PLXDC2: variants seen among roughly 807,000 people sequenced by gnomAD.
The protein encoded by PLXDC2 is plexin domain containing 2, also known as plexin domain-containing protein 2.
In PLXDC2, 40 loss-of-function variants were observed where a neutral mutation model predicts 68.9. The ratio of observed to expected loss-of-function variants is 0.58; its 90% CI spans 0.45 to 0.76. PLXDC2 has a LOEUF of 0.76. Among genes scored for constraint, PLXDC2 ranks in the 30% least tolerant of loss-of-function variants. PLXDC2 has a pLI of 0.00. For synonymous variants in PLXDC2, 243 were observed against 234.2 expected (o/e 1.04, Z -0.34); for missense variants, 644 against 661.9 (o/e 0.97, Z 0.30).
intron 4 of PLXDC2, among the ~76,000 whole-genome samples, chr10:20,103,436 G>A (rs1833448290): frequency 6.6e-6 from 1 of 152,090 alleles, no homozygotes; most frequent in African/African-American, 2.4e-5. Context: ...AGACACCCGA[G>A]ACTTGTGGGT....
intron 1 of PLXDC2, among the ~76,000 whole-genome samples, chr10:19,974,744 C>A (rs759050749): frequency 3.1e-4 from 47 of 152,226 alleles, no homozygotes; most frequent in Non-Finnish European, 6.2e-4. Context: ...CCATGGAGAA[C>A]CTAGTTGGCA....
At chr10:20,067,906 C>G (rs984201908) in intron 3 of PLXDC2, among the ~76,000 whole-genome samples, 2 of 152,124 alleles carry the variant, frequency 1.3e-5, no homozygotes, top group Admixed American at 1.3e-4. Context: ...GAATAAGTTG[C>G]TCATCATCAA....
intron 3 of PLXDC2, among the ~76,000 whole-genome samples, chr10:20,060,348 T>G (rs1836078741): frequency 6.6e-6 from 1 of 152,082 alleles, no homozygotes; most frequent in African/African-American, 2.4e-5. Context: ...GCAAAGTTAT[T>G]TCAGTTTAAT....
intron 9 of PLXDC2, among the ~76,000 whole-genome samples, chr10:20,188,774 T>C (rs1053967885): frequency 6.6e-6 from 1 of 151,840 alleles, no homozygotes; most frequent in Non-Finnish European, 1.5e-5. Context: ...GTAGTGTATA[T>C]GATAAATAAA....
At chr10:20,117,847 G>T (rs1381652191) in intron 4 of PLXDC2, among the ~76,000 whole-genome samples, 1 of 152,124 alleles carries the variant, frequency 6.6e-6, no homozygotes, top group African/African-American at 2.4e-5. Flanking sequence ...AATTAACCAA[G>T]ATATTGAAAG....
At chr10:19,891,364 C>T (rs571745112) in intron 1 of PLXDC2, among the ~76,000 whole-genome samples, 2 of 151,960 alleles carry the variant, frequency 1.3e-5, no homozygotes, top group East Asian at 3.9e-4. Flanking sequence ...TGGTTTTTTA[C>T]CTTCTTTCGC....
intron 2 of PLXDC2, 61 bp from the exon 3 acceptor site, chr10:20,046,808 T>C: frequency 6.7e-7 from 1 of 1,490,440 alleles, no homozygotes; most frequent in Non-Finnish European, 9.0e-7. Context: ...TAGGATTTTT[T>C]TTAAAGAATT....
In PLXDC2 at chr10:20,284,469, G is replaced by T. The variant is rs1411216607; in HGVS notation, c.*4650G>T. 2 of 148,912 alleles carry T rather than the reference G, an allele frequency of 1.3e-5. No homozygotes were observed. The highest frequency in any genetic ancestry group is 5.0e-5 in the African/African-American group (2 of 40,324). The allele number at this position is 148,912 out of a possible 1,614,324, so 9.2% of individuals were successfully genotyped here. A position where few individuals can be genotyped will look rare whatever the true frequency, so the allele number is the denominator to read the frequency against. ...CCAAGTGTGGTTTCTCATGCCTGTA[G>T]TCCCAGCTACTTTGGAGGCTGAAGT... On this transcript the variant is annotated 3_prime_UTR_variant, in exon 14 of 14. Coordinates refer to ENST00000377252, the MANE Select transcript of PLXDC2 (RefSeq NM_032812.9).
chr10:20,142,407 A>G lies in PLXDC2; in HGVS notation c.542-888A>G, dbSNP rs144555148. On this transcript the variant is annotated intron_variant, in intron 4 of 13. Coordinates refer to ENST00000377252, the MANE Select transcript of PLXDC2 (RefSeq NM_032812.9). ...AGATTAATATTAAAATTAGTTAGCAATCCCTGAGCTGACTCTCCTTTCAGA... is the reference window on the plus strand; with the variant it reads ...AGATTAATATTAAAATTAGTTAGCAGTCCCTGAGCTGACTCTCCTTTCAGA... Among the ~76,000 whole-genome samples the G allele has an allele frequency of 8.3e-3, 1,260 of 152,170 alleles. 19 individuals are homozygous for G. The highest frequency in any genetic ancestry group is 0.029 in the African/African-American group (1,198 of 41,544).
intron 1 of PLXDC2, among the ~76,000 whole-genome samples, chr10:19,873,211 G>T (rs1202940424): frequency 6.6e-6 from 1 of 152,052 alleles, no homozygotes; most frequent in African/African-American, 2.4e-5. Flanking sequence ...CCTTAGAAAT[G>T]ATAAAGAAAC....
chr10:19,818,982 C>CT (rs1805741030), intron 1 of PLXDC2, among the ~76,000 whole-genome samples: 1 of 151,098 alleles, frequency 6.6e-6, no homozygotes, highest in Non-Finnish European at 1.5e-5. Flanking sequence ...AAATGTTTAT[C>CT]TTTTTATAAA....
chr10:19,846,463 C>T (rs1172947145), intron 1 of PLXDC2, among the ~76,000 whole-genome samples: 2 of 152,032 alleles, frequency 1.3e-5, no homozygotes, highest in Admixed American at 6.6e-5. Flanking sequence ...AAAGGGACTG[C>T]GTTATTGATG....
chr10:20,022,290 T>C (rs754690118), intron 2 of PLXDC2, among the ~76,000 whole-genome samples: 37 of 152,062 alleles, frequency 2.4e-4, no homozygotes, highest in Admixed American at 3.9e-4. Context: ...ACAAATGGAG[T>C]CTTCTTGGAG....
At chr10:20,111,755 G>A (rs1011249457) in intron 4 of PLXDC2, among the ~76,000 whole-genome samples, 3 of 152,166 alleles carry the variant, frequency 2.0e-5, no homozygotes, top group Non-Finnish European at 4.4e-5. Context: ...TCTCCCAGAG[G>A]ACAAGTATTT....
At chr10:20,005,606 T>A (rs995980867) in intron 2 of PLXDC2, among the ~76,000 whole-genome samples, 1 of 151,864 alleles carries the variant, frequency 6.6e-6, no homozygotes, top group African/African-American at 2.4e-5. Context: ...CTCAGGAAGG[T>A]TTCAACCATG....
chr10:19,901,210 T>A (rs1432046893), intron 1 of PLXDC2, among the ~76,000 whole-genome samples: 1 of 152,162 alleles, frequency 6.6e-6, no homozygotes, highest in Non-Finnish European at 1.5e-5. Context: ...GATTGCTGGA[T>A]CAAATGGTAG....
intron 12 of PLXDC2, among the ~76,000 whole-genome samples, chr10:20,223,032 CAGA>C (rs1350838516): frequency 6.6e-6 from 1 of 152,016 alleles, no homozygotes; most frequent in African/African-American, 2.4e-5. Context: ...GAAAAAGTGG[CAGA>C]AGAAGAGGAG....
At chr10:19,968,627 TGTTTG>T (rs1305030355) in intron 1 of PLXDC2, among the ~76,000 whole-genome samples, 1 of 152,174 alleles carries the variant, frequency 6.6e-6, no homozygotes, top group Non-Finnish European at 1.5e-5. Context: ...TCTAAAAATC[TGTTTG>T]GTTTTGGGGC....
intron 1 of PLXDC2, among the ~76,000 whole-genome samples, chr10:19,851,143 G>A (rs1223247015): frequency 6.6e-6 from 1 of 152,020 alleles, no homozygotes; most frequent in Non-Finnish European, 1.5e-5. Flanking sequence ...TTTGGACATA[G>A]ATGGGGAACA....
Sources: allele counts gnomAD v4.1 joint callset (sites outside exome capture counted in the v4.1 genomes callset), GRCh38; gene constraint gnomAD v4.1.1; transcripts MANE v1.5; gene names NCBI Gene and HGNC (gene_info 2026-07-23, HGNC 2026-07-21).